The following NOL10 variants were observed in gnomAD, a reference collection of about 807,000 sequenced individuals.
NOL10 encodes nucleolar protein 10.
A neutral mutation model predicts 103.5 loss-of-function variants in NOL10; 58 were observed. That is an observed-to-expected ratio of 0.56 (90% CI 0.45 to 0.70). The LOEUF is 0.70. Among genes scored for constraint, NOL10 ranks in the 30% least tolerant of loss-of-function variants. The pLI is 0.00. For missense variants in NOL10, 763 were observed against 807.3 expected (o/e 0.95, Z 0.67); for synonymous variants, 287 against 282.5 (o/e 1.02, Z -0.16).
At chr2:10,681,330 T>C (rs770984592) in intron 3 of NOL10, among the ~76,000 whole-genome samples, 1 of 151,884 alleles carries the variant, frequency 6.6e-6, no homozygotes, top group Non-Finnish European at 1.5e-5. Context: ...TGTATGAACC[T>C]CAAATACAAA....
intron 1 of NOL10, among the ~76,000 whole-genome samples, chr2:10,686,868 G>A (rs1353154872): frequency 6.6e-6 from 1 of 152,140 alleles, no homozygotes; most frequent in Non-Finnish European, 1.5e-5. Context: ...GAAAGCTGGT[G>A]TTCTACTTTG....
At chr2:10,645,319 G>A (rs1001081028) in intron 12 of NOL10, among the ~76,000 whole-genome samples, 10 of 152,202 alleles carry the variant, frequency 6.6e-5, no homozygotes, top group African/African-American at 2.2e-4. Context: ...AATCCACAGA[G>A]AGAAGACATT....
intron 6 of NOL10, among the ~76,000 whole-genome samples, chr2:10,669,481 T>TACAC (rs1224265658): frequency 1.2e-4 from 16 of 132,428 alleles, no homozygotes; most frequent in African/African-American, 4.1e-4. Flanking sequence ...TATATATATA[T>TACAC]ACACACACAC....
chr2:10,621,452 G>A (rs1433271549), intron 13 of NOL10, among the ~76,000 whole-genome samples: 1 of 152,070 alleles, frequency 6.6e-6, no homozygotes, highest in East Asian at 1.9e-4. Flanking sequence ...AAATTATCTG[G>A]GTGTGGTGGC....
chr2:10,653,931 C>T (rs1430430460), intron 12 of NOL10, among the ~76,000 whole-genome samples: 3 of 152,200 alleles, frequency 2.0e-5, no homozygotes, highest in Non-Finnish European at 2.9e-5. Context: ...TACCTCTGCC[C>T]TCAGAGTAGA....
Position 10,602,890 on chromosome 2 carries a change from A to G in NOL10, c.1234-16T>C. On this transcript the variant is annotated splice_polypyrimidine_tract_variant and intron_variant, in intron 15 of 20. Transcript: ENST00000381685. ...TCAGTTTCACCTTTTCAAAATGAAA[A>G]AAGTTTTTAAAATAAAAGAATGGTA... The G allele has an allele frequency of 1.3e-6, 2 of 1,539,678 alleles. No individual in the cohort carries two copies. Among genetic ancestry groups the G allele is most frequent in the South Asian group, 1.2e-5 (1 of 85,364 alleles).
At chr2:10,632,629 C>T (rs189066484) in intron 13 of NOL10, among the ~76,000 whole-genome samples, 48 of 152,174 alleles carry the variant, frequency 3.2e-4, no homozygotes, top group African/African-American at 1.2e-3. Flanking sequence ...TGGAAAAGGC[C>T]CCAAATAGTC....
At chr2:10,676,638 C>CTTT (rs1281732474) in intron 3 of NOL10, among the ~76,000 whole-genome samples, 3 of 135,330 alleles carry the variant, frequency 2.2e-5, no homozygotes, top group African/African-American at 5.4e-5. Flanking sequence ...GGCACTTTGT[C>CTTT]TTTTTTTTTT....
intron 17 of NOL10, among the ~76,000 whole-genome samples, chr2:10,591,256 GA>G (rs1391298682): frequency 1.3e-5 from 2 of 152,172 alleles, no homozygotes; most frequent in Non-Finnish European, 2.9e-5. Context: ...TAGTAAGGAA[GA>G]AAAAACACTG....
intron 19 of NOL10, among the ~76,000 whole-genome samples, chr2:10,587,190 T>TACAC (rs373680844): frequency 2.6e-5 from 1 of 38,578 alleles, no homozygotes; most frequent in African/African-American, 1.6e-4. Flanking sequence ...CACATATATA[T>TACAC]ACACATATAT....
In NOL10 at chr2:10,628,557, ATC is replaced by A. The variant is rs1202772635; in HGVS notation, c.1026+15761_1026+15762del. ...TCTGAAGTTTAATTTCATTGGTTTAATCTCTTATATAAAGATCAGGTTCTAAA... is the reference window on the plus strand; with the variant it reads ...TCTGAAGTTTAATTTCATTGGTTTAATCTTATATAAAGATCAGGTTCTAAA... On this transcript the variant is annotated intron_variant, in intron 13 of 20. Coordinates refer to ENST00000381685, the MANE Select transcript of NOL10 (RefSeq NM_024894.4). Among the ~76,000 whole-genome samples, 3 of 152,140 alleles carry A rather than the reference ATC, an allele frequency of 2.0e-5. No homozygotes were observed. The South Asian group carries it at 6.2e-4, about 32-fold the overall frequency.
chr2:10,637,736 T>C (rs1678360829), intron 13 of NOL10, among the ~76,000 whole-genome samples: 1 of 152,230 alleles, frequency 6.6e-6, no homozygotes. Flanking sequence ...GTCCTCTATT[T>C]GCGAAGACAG....
At chr2:10,677,810 A>G (rs917716109) in intron 3 of NOL10, among the ~76,000 whole-genome samples, 7 of 151,084 alleles carry the variant, frequency 4.6e-5, no homozygotes, top group Non-Finnish European at 5.9e-5. Flanking sequence ...ATATGAGCCC[A>G]CTGTCGTATG....
At chr2:10,587,110 CATATATATACATATATATACATAT>C (rs1675101677) in intron 19 of NOL10, among the ~76,000 whole-genome samples, 2 of 42,184 alleles carry the variant, frequency 4.7e-5, no homozygotes, top group South Asian at 4.7e-4. Flanking sequence ...CATATATATA[CATATATATACATATATATACATAT>C]ATACACATAT....
At chr2:10,609,984 T>C (rs1160419679) in intron 13 of NOL10, among the ~76,000 whole-genome samples, 1 of 152,186 alleles carries the variant, frequency 6.6e-6, no homozygotes, top group Non-Finnish European at 1.5e-5. Flanking sequence ...ATGAATTTCA[T>C]ATGCATCAAG....
chr2:10,618,056 T>G (rs1263867857), intron 13 of NOL10, among the ~76,000 whole-genome samples: 1 of 151,334 alleles, frequency 6.6e-6, no homozygotes, highest in Non-Finnish European at 1.5e-5. Context: ...TTTTCTTTTT[T>G]ATTTGAGATG....
chr2:10,689,086 C>CAG (rs1319656117), intron 1 of NOL10, among the ~76,000 whole-genome samples: 49 of 152,340 alleles, frequency 3.2e-4, no homozygotes, highest in African/African-American at 1.0e-3. Context: ...AGTGCTTGGA[C>CAG]AGAGGCTGGA....
chr2:10,604,092 T>G (rs1676124576), intron 14 of NOL10, among the ~76,000 whole-genome samples: 1 of 152,212 alleles, frequency 6.6e-6, no homozygotes, highest in African/African-American at 2.4e-5. Context: ...CCCTCGCATG[T>G]GCAGTTCACA....
rs1188511378 is a variant in NOL10, at chr2:10,587,222, TATATAC to T, written c.1844+1815_1844+1820del. On this transcript the variant is annotated intron_variant, in intron 19 of 20. Coordinates refer to ENST00000381685, the MANE Select transcript of NOL10 (RefSeq NM_024894.4). Reference sequence around the variant, plus strand: ...ATATATACACATATATATATACATATATATACATATATATATACATACATATATATA... The same window carrying T: ...ATATATACACATATATATATACATATATATATATATACATACATATATATA... 5.8e-4 allele frequency among the ~76,000 whole-genome samples: 34 copies of T among 58,552 alleles called. 1 individual carries two copies. Among genetic ancestry groups the T allele is most frequent in the African/African-American group, 1.1e-3 (10 of 9,114 alleles). 38.4% of individuals were successfully genotyped at this position (58,552 alleles called of 152,430 possible).
Sources: gnomAD v4.1 joint callset for allele counts (sites outside exome capture counted in the v4.1 genomes callset) on GRCh38, gnomAD v4.1.1 for gene constraint, MANE v1.5 for transcripts, NCBI Gene and HGNC (gene_info 2026-07-23, HGNC 2026-07-21) for gene names.